FAM135B: variants seen among roughly 807,000 people sequenced by gnomAD.
FAM135B encodes family with sequence similarity 135 member B, also known as protein FAM135B.
In FAM135B, 43 loss-of-function variants were observed where a neutral mutation model predicts 127.7. The ratio of observed to expected loss-of-function variants is 0.34; its 90% confidence interval spans 0.26 to 0.43. The LOEUF is 0.43. Among genes scored for constraint, FAM135B ranks in the 20% least tolerant of loss-of-function variants. FAM135B has a pLI of 1.00. For synonymous variants in FAM135B, 670 were observed against 665.1 expected (o/e 1.01, Z -0.11); for missense variants, 1,558 against 1,725.6 (o/e 0.90, Z 1.72).
At chr8:138,306,187 C>A (rs1826243098) in intron 3 of FAM135B, among the ~76,000 whole-genome samples, 3 of 152,146 alleles carry the variant, frequency 2.0e-5, no homozygotes, top group Admixed American at 2.0e-4. Context: ...GTAATACCAG[C>A]ACTTTGGGAG....
chr8:138,426,711 G>A (rs1038133063), intron 1 of FAM135B, among the ~76,000 whole-genome samples: 4 of 151,684 alleles, frequency 2.6e-5, no homozygotes, highest in East Asian at 3.9e-4. Context: ...ATTAAGACAG[G>A]ATTAAGATAT....
At chr8:138,492,949 C>T (rs1030845880) in intron 1 of FAM135B, among the ~76,000 whole-genome samples, 7 of 152,126 alleles carry the variant, frequency 4.6e-5, no homozygotes, top group African/African-American at 1.7e-4. Flanking sequence ...ACAGTTGATT[C>T]TCAGAGTCTG....
chr8:138,156,827 C>T (rs1319563012), intron 12 of FAM135B, among the ~76,000 whole-genome samples: 4 of 152,128 alleles, frequency 2.6e-5, no homozygotes, highest in African/African-American at 9.7e-5. Flanking sequence ...CCAAAAAAGT[C>T]CAGGACCAGA....
intron 3 of FAM135B, among the ~76,000 whole-genome samples, chr8:138,267,115 G>A (rs767945474): frequency 6.6e-6 from 1 of 152,180 alleles, no homozygotes; most frequent in East Asian, 1.9e-4. Flanking sequence ...ATATTTGGAG[G>A]AGGAGCCTTC....
intron 1 of FAM135B, among the ~76,000 whole-genome samples, chr8:138,487,640 T>TG (rs1815032197): frequency 7.8e-6 from 1 of 128,328 alleles, no homozygotes; most frequent in Non-Finnish European, 1.6e-5. Context: ...TGTGTGGGGG[T>TG]GGGGGCGGGG....
intron 19 of FAM135B, among the ~76,000 whole-genome samples, chr8:138,135,083 C>T (rs758449648): frequency 5.9e-5 from 9 of 152,128 alleles, no homozygotes; most frequent in Admixed American, 2.0e-4. Context: ...TGAATTCTAG[C>T]GTGAAAGCAG....
chr8:138,178,455 C>T (rs970175082), intron 10 of FAM135B, 80 bp downstream of exon 10: 27 of 1,537,474 alleles, frequency 1.8e-5, no homozygotes, highest in Non-Finnish European at 2.3e-5. Context: ...AATCCTAATG[C>T]TTGATCTAAT....
At chr8:138,404,617 T>A (rs902852974) in intron 1 of FAM135B, among the ~76,000 whole-genome samples, 1 of 152,132 alleles carries the variant, frequency 6.6e-6, no homozygotes, top group East Asian at 1.9e-4. Context: ...TCAACTAAGA[T>A]TATAGAATAT....
rs1016954271 is a variant in FAM135B, at chr8:138,250,960, G to T, written c.423C>A (p.His141Gln). Residue 141 changes from histidine (H) to glutamine (Q), a missense_variant, in exon 6 of 20, where the codon CAC (histidine) becomes CAA (glutamine). Around this residue, in one of 5 missense-constraint regions of FAM135B, gnomAD observed 199 missense variants for 245.7 expected, o/e 0.81. Coordinates refer to ENST00000395297, the MANE Select transcript of FAM135B (RefSeq NM_015912.4). ...PMVSSRTLGL[H>Q]FHPRNGLHHQ... ...GGTGCAGACCATTCCGGGGGTGGAA[G>T]TGCAGGCCAAGCGTTCGGCTGCTGA... is the stretch of plus-strand genomic sequence containing the variant. The T allele has an allele frequency of 6.2e-7, 1 of 1,613,926 alleles. No homozygotes were observed. The highest frequency in any genetic ancestry group is 8.5e-7 in the Non-Finnish European group (1 of 1,180,004).
chr8:138,257,872 A>C (rs2130556765), intron 4 of FAM135B, among the ~76,000 whole-genome samples: 1 of 83,160 alleles, frequency 1.2e-5, no homozygotes, highest in Non-Finnish European at 2.4e-5. Context: ...CAGCTTCTAC[A>C]AAAAATAAAA....
At chr8:138,315,520 T>C (rs552118404) in intron 2 of FAM135B, among the ~76,000 whole-genome samples, 2 of 152,206 alleles carry the variant, frequency 1.3e-5, no homozygotes, top group South Asian at 2.1e-4. Flanking sequence ...GATCTGCACC[T>C]CCACCTTCAT....
chr8:138,489,177 T>G (rs1815107691), intron 1 of FAM135B, among the ~76,000 whole-genome samples: 1 of 152,184 alleles, frequency 6.6e-6, no homozygotes, highest in Non-Finnish European at 1.5e-5. Context: ...GTGGATGTCA[T>G]CAGAGACCTG....
At chr8:138,421,080 G>C (rs1035817646) in intron 1 of FAM135B, among the ~76,000 whole-genome samples, 1 of 152,242 alleles carries the variant, frequency 6.6e-6, no homozygotes, top group African/African-American at 2.4e-5. Context: ...GGGAGGCAGA[G>C]GCAGACAGAT....
At chr8:138,217,443 T>TTG (rs1328174241) in intron 7 of FAM135B, among the ~76,000 whole-genome samples, 1 of 150,306 alleles carries the variant, frequency 6.7e-6, no homozygotes, top group Non-Finnish European at 1.5e-5. Flanking sequence ...TTTTTTTTTT[T>TTG]TTTTTGAGAT....
At chr8:138,347,514 G>T (rs1207877517) in intron 2 of FAM135B, among the ~76,000 whole-genome samples, 1 of 152,214 alleles carries the variant, frequency 6.6e-6, no homozygotes, top group African/African-American at 2.4e-5. Context: ...AAGATCACAA[G>T]AAGGAAACAG....
chr8:138,360,736 G>T (rs1411336513), intron 2 of FAM135B, among the ~76,000 whole-genome samples: 1 of 152,116 alleles, frequency 6.6e-6, no homozygotes, highest in African/African-American at 2.4e-5. Flanking sequence ...TGGTCTGGAG[G>T]ATGAAAATTT....
chr8:138,345,382 C>T (rs963924959), intron 2 of FAM135B, among the ~76,000 whole-genome samples: 2 of 152,116 alleles, frequency 1.3e-5, no homozygotes, highest in African/African-American at 2.4e-5. Flanking sequence ...CAGGAGTTGG[C>T]GAGAGAACAC....
intron 1 of FAM135B, among the ~76,000 whole-genome samples, chr8:138,405,769 G>C (rs1310004332): frequency 6.6e-6 from 1 of 152,058 alleles, no homozygotes; most frequent in Admixed American, 6.5e-5. Context: ...TCTAGTTCTA[G>C]ATCCCTGAGG....
At position 138,182,831 on chromosome 8, in the gene FAM135B, A is replaced by G. The variant is rs1159481923; in HGVS notation, c.874-4141T>C. Among the ~76,000 whole-genome samples the G allele has an allele frequency of 3.3e-5, 5 of 152,142 alleles. No individual in the cohort carries two copies. In the East Asian group the frequency reaches 5.8e-4, roughly 18 times the overall value. On this transcript the variant is annotated intron_variant, in intron 9 of 19. Coordinates refer to ENST00000395297, the MANE Select transcript of FAM135B (RefSeq NM_015912.4). ...TGCCCATCGGAATCACTAGGAGGCT[A>G]TAAGTCCACCAATGTCTGGGCCCGT...
Sources: allele counts gnomAD v4.1 joint callset (sites outside exome capture counted in the v4.1 genomes callset), GRCh38; gene constraint gnomAD v4.1.1; regional missense constraint gnomAD v4.1.1; transcripts MANE v1.5; gene names NCBI Gene and HGNC (gene_info 2026-07-23, HGNC 2026-07-21).